The following DLGAP1 variants were observed in gnomAD, a reference collection of about 807,000 sequenced individuals.
DLGAP1 encodes disks large-associated protein 1.
DLGAP1 carries 11 observed loss-of-function variants against 90.8 expected under a neutral mutation model. The observed-to-expected ratio is 0.12, with a 90% confidence interval of 0.08 to 0.20. The LOEUF (loss-of-function observed/expected upper bound fraction) is 0.20, where lower values mean the gene tolerates loss of function less well. Among genes scored for constraint, DLGAP1 ranks in the 10% least tolerant of loss-of-function variants. The pLI is 1.00. For synonymous variants in DLGAP1, 558 were observed against 540.7 expected (o/e 1.03, Z -0.44); for missense variants, 1,050 against 1,333.8 (o/e 0.79, Z 3.31).
intron 1 of DLGAP1, among the ~76,000 whole-genome samples, chr18:4,243,587 CACAG>C (rs1296115287): frequency 6.6e-6 from 1 of 152,200 alleles, no homozygotes; most frequent in African/African-American, 2.4e-5. Flanking sequence ...CTCATGATGA[CACAG>C]ACAAATTTGA....
Position 4,151,235 on chromosome 18 carries a change from TG to T in DLGAP1, c.-215del, listed in dbSNP as rs1356974221. ...TTCCGAGTCAGGAAAAGATCCAAAT[TG>T]CAGGCTTTTTTTTAACCTGATGTCA... is the stretch of plus-strand genomic sequence containing the variant. On this transcript the variant is annotated 5_prime_UTR_variant, in exon 2 of 13. Transcript: ENST00000315677. 2.0e-5 allele frequency: 3 copies of T among 152,184 alleles called. No homozygotes were observed. Among genetic ancestry groups the T allele is most frequent in the Non-Finnish European group, 4.4e-5 (3 of 68,040 alleles). The allele number at this position is 152,184 out of a possible 1,614,324, so 9.4% of individuals were successfully genotyped here.
chr18:3,590,320 C>G (rs1449333535), intron 7 of DLGAP1, among the ~76,000 whole-genome samples: 4 of 152,208 alleles, frequency 2.6e-5, no homozygotes, highest in Admixed American at 2.0e-4. Flanking sequence ...CTTTCTACCT[C>G]TGTATTCAGT....
intron 1 of DLGAP1, among the ~76,000 whole-genome samples, chr18:4,157,164 A>C (rs1015185914): frequency 1.1e-4 from 16 of 151,746 alleles, no homozygotes; most frequent in African/African-American, 3.6e-4. Flanking sequence ...AGCTCACTTA[A>C]CTCTGGGTGC....
chr18:3,788,370 C>T lies in DLGAP1; in HGVS notation c.1172+25689G>A, dbSNP rs561296459. ...AGCTAGATGTTTTTGCCTCATTCCC[C>T]CCTGCTTAATCCTTTCAATCCTCAC... On this transcript the variant is annotated intron_variant, in intron 5 of 12. Transcript: ENST00000315677. Among the ~76,000 whole-genome samples the T allele has an allele frequency of 8.5e-5, 13 of 152,264 alleles. 1 individual carries two copies. The South Asian group carries it at 2.7e-3, about 32-fold the overall frequency.
chr18:4,254,112 T>C (rs1171335784), intron 1 of DLGAP1, among the ~76,000 whole-genome samples: 8 of 152,160 alleles, frequency 5.3e-5, no homozygotes, highest in Admixed American at 2.0e-4. Flanking sequence ...GGATTGTCAA[T>C]AGGAGTAAGA....
At chr18:3,776,206 A>G (rs559222674) in intron 5 of DLGAP1, among the ~76,000 whole-genome samples, 5 of 152,330 alleles carry the variant, frequency 3.3e-5, no homozygotes, top group South Asian at 2.1e-4. Flanking sequence ...CAGCATTCAG[A>G]AAGGGACTAT....
chr18:3,756,429 T>C (rs1395003713), intron 5 of DLGAP1, among the ~76,000 whole-genome samples: 1 of 152,012 alleles, frequency 6.6e-6, no homozygotes, highest in Non-Finnish European at 1.5e-5. Context: ...TAAATAACAA[T>C]AGAAACCCAA....
At chr18:4,227,384 C>T (rs1419178730) in intron 1 of DLGAP1, among the ~76,000 whole-genome samples, 7 of 151,876 alleles carry the variant, frequency 4.6e-5, no homozygotes, top group African/African-American at 1.2e-4. Flanking sequence ...TTTCATCCAA[C>T]GGCTGCAGAA....
chr18:3,880,898 G>A (rs1443272746), intron 3 of DLGAP1, among the ~76,000 whole-genome samples: 23 of 138,738 alleles, frequency 1.7e-4, no homozygotes, highest in Middle Eastern at 3.9e-3. Context: ...AGCAGAGATG[G>A]CACCACTGCA....
At chr18:3,614,686 C>CA (rs35764644) in intron 7 of DLGAP1, among the ~76,000 whole-genome samples, 2,030 of 104,968 alleles carry the variant, frequency 0.019, 46 homozygotes, top group Non-Finnish European at 0.027. Context: ...ACTAAAAATA[C>CA]AAAAAAAAAA....
At chr18:4,388,955 C>T (rs1470926703) in intron 1 of DLGAP1, among the ~76,000 whole-genome samples, 1 of 152,084 alleles carries the variant, frequency 6.6e-6, no homozygotes, top group Non-Finnish European at 1.5e-5. Flanking sequence ...TTTGGCAGTT[C>T]CTCAAAATAT....
At chr18:3,715,852 C>T (rs1369458033) in intron 7 of DLGAP1, among the ~76,000 whole-genome samples, 1 of 152,164 alleles carries the variant, frequency 6.6e-6, no homozygotes, top group African/African-American at 2.4e-5. Flanking sequence ...TCCTAAACTC[C>T]CTCCACTTCA....
chr18:4,182,783 A>G (rs1288027682), intron 1 of DLGAP1, among the ~76,000 whole-genome samples: 1 of 152,192 alleles, frequency 6.6e-6, no homozygotes, highest in African/African-American at 2.4e-5. Context: ...CCTACAAAGG[A>G]TAGTTGGGTT....
intron 1 of DLGAP1, among the ~76,000 whole-genome samples, chr18:4,390,582 C>T (rs932370168): frequency 1.3e-5 from 2 of 152,180 alleles, no homozygotes; most frequent in African/African-American, 4.8e-5. Flanking sequence ...CTCCATTGTT[C>T]TGACCTTTCT....
At chr18:3,956,859 C>T (rs569325615) in intron 3 of DLGAP1, among the ~76,000 whole-genome samples, 2 of 152,010 alleles carry the variant, frequency 1.3e-5, no homozygotes, top group African/African-American at 2.4e-5. Context: ...ACTATGTTGC[C>T]CAGGCTTGTC....
chr18:3,618,401 A>G (rs2057958974), intron 7 of DLGAP1, among the ~76,000 whole-genome samples: 1 of 152,124 alleles, frequency 6.6e-6, no homozygotes, highest in Admixed American at 6.5e-5. Context: ...TTCAAAGAAC[A>G]TCCGACACAA....
chr18:4,061,365 T>C (rs1236693425), intron 2 of DLGAP1, among the ~76,000 whole-genome samples: 1 of 103,948 alleles, frequency 9.6e-6, no homozygotes, highest in East Asian at 3.0e-4. Flanking sequence ...TTGTGGAAGG[T>C]TTGTGAAAGA....
intron 7 of DLGAP1, among the ~76,000 whole-genome samples, chr18:3,676,861 A>G (rs2060322598): frequency 6.6e-6 from 1 of 152,102 alleles, no homozygotes; most frequent in Non-Finnish European, 1.5e-5. Flanking sequence ...TGCGTTTCCA[A>G]TCACCAGATT....
intron 2 of DLGAP1, among the ~76,000 whole-genome samples, chr18:4,011,868 TA>T (rs957181740): frequency 2.0e-5 from 3 of 150,724 alleles, no homozygotes; most frequent in Admixed American, 6.6e-5. Flanking sequence ...AAAACCAAAT[TA>T]AAAAAAAATC....
Sources: gnomAD v4.1 joint callset for allele counts (sites outside exome capture counted in the v4.1 genomes callset) on GRCh38, gnomAD v4.1.1 for gene constraint, MANE v1.5 for transcripts, NCBI Gene and HGNC (gene_info 2026-07-23, HGNC 2026-07-21) for gene names.